Variants in STK10 observed in about 807,000 individuals in gnomAD.
STK10 encodes the protein serine/threonine kinase 10, also known as serine/threonine-protein kinase 10.
A neutral mutation model predicts 113.8 loss-of-function variants in STK10; 78 were observed. The ratio of observed to expected loss-of-function variants is 0.69; its 90% CI spans 0.57 to 0.83. STK10 has a LOEUF of 0.83. STK10 is among the 40% of genes least tolerant of loss of function. The pLI, the probability that STK10 is intolerant of heterozygous loss-of-function variation, is 0.00. For missense variants in STK10, 1,109 were observed against 1,280.1 expected, an observed-to-expected ratio of 0.87 and a Z score of 2.04; for synonymous variants, 465 against 494.7, an observed-to-expected ratio of 0.94 and a Z score of 0.80.
intron 16 of STK10, among the ~76,000 whole-genome samples, chr5:172,055,086 C>G (rs558449389): frequency 6.6e-6 from 1 of 152,238 alleles, no homozygotes; most frequent in African/African-American, 2.4e-5. Context: ...CAAGCTCTAC[C>G]TCTGTCCACA....
At chr5:172,078,640 A>T (rs1287535099) in intron 12 of STK10, among the ~76,000 whole-genome samples, 2 of 137,122 alleles carry the variant, frequency 1.5e-5, no homozygotes, top group Non-Finnish European at 3.2e-5. Context: ...AAAAAAAAAA[A>T]AAAAAAAAAG....
In STK10 at chr5:172,051,101, C is replaced by T. The variant is rs898589801; in HGVS notation, c.2766+1828G>A. Among the ~76,000 whole-genome samples the T allele has an allele frequency of 5.3e-4, 81 of 151,732 alleles. 1 individual carries two copies. The highest frequency in any genetic ancestry group is 1.2e-4 in the Non-Finnish European group (8 of 67,948). On this transcript the variant is annotated intron_variant, in intron 18 of 18. Transcript: ENST00000176763. ...CCGTCTCAGGAAAAAAAAAAAAATCCGCTGGTCTTTCTCGCACTTGGATGT... is the reference window on the plus strand; with the variant it reads ...CCGTCTCAGGAAAAAAAAAAAAATCTGCTGGTCTTTCTCGCACTTGGATGT...
chr5:172,053,576 T>C (rs1302565632), intron 17 of STK10, among the ~76,000 whole-genome samples: 4 of 152,240 alleles, frequency 2.6e-5, no homozygotes, highest in African/African-American at 9.6e-5. Flanking sequence ...AGGTAAGTTA[T>C]CTGCTTTACA....
intron 14 of STK10, 23 bp downstream of exon 14, chr5:172,061,116 C>T (rs778378860): frequency 9.4e-6 from 15 of 1,593,712 alleles, no homozygotes; most frequent in African/African-American, 1.4e-5. Flanking sequence ...GCCAAGACAG[C>T]GCTGCCACTT....
rs148455575 is a variant in STK10, at chr5:172,124,884, ATT to A, written c.370+2487_370+2488del. On this transcript the variant is annotated intron_variant, in intron 3 of 18. Transcript: ENST00000176763. ...ACTAAATGGTCTTTAGTATATATAT[ATT>A]TTTTTCCCCCACTATTTTAAATAGC... Among the ~76,000 whole-genome samples, 16 of 150,516 alleles carry A rather than the reference ATT, an allele frequency of 1.1e-4. No homozygotes were observed. The South Asian group carries it at 2.3e-3, about 22-fold the overall frequency.
At chr5:172,068,068 C>A (rs932186758) in intron 12 of STK10, among the ~76,000 whole-genome samples, 1 of 152,182 alleles carries the variant, frequency 6.6e-6, no homozygotes, top group African/African-American at 2.4e-5. Flanking sequence ...GGGCCGGGCG[C>A]GGTGGCTCAC....
At position 172,083,018 on chromosome 5, in the gene STK10, A is replaced by C; in HGVS notation, c.1752T>G (p.Ser584Arg). ...KEEHRNQTQL[S>R]NKHELQLEQM... is the part of the protein sequence containing the mutation. ...GCTCCAGCTGCAGCTCATGCTTGTT[A>C]CTCAGCTGGGTCTGGTTCCGATGCT... Residue 584 changes from serine (S) to arginine (R), a missense_variant, in exon 11 of 19, where the codon AGT (serine) becomes AGG (arginine). This residue lies in a region of STK10 where 885 missense variants were observed against 991.1 expected (regional missense o/e 0.89). Coordinates refer to ENST00000176763, the MANE Select transcript of STK10 (RefSeq NM_005990.4). The C allele has an allele frequency of 6.2e-7, 1 of 1,613,846 alleles. No homozygotes were observed. Among genetic ancestry groups the C allele is most frequent in the Non-Finnish European group, 8.5e-7 (1 of 1,179,966 alleles).
At chr5:172,138,853 AAG>A (rs376701388) in intron 2 of STK10, among the ~76,000 whole-genome samples, 3 of 152,024 alleles carry the variant, frequency 2.0e-5, no homozygotes, top group African/African-American at 4.8e-5. Flanking sequence ...TCTACTAAAA[AAG>A]TACAAAAAAT....
chr5:172,090,208 A>G (rs1462902191), intron 10 of STK10, 24 bp downstream of exon 10: 2 of 1,613,062 alleles, frequency 1.2e-6, no homozygotes, highest in African/African-American at 2.7e-5. Context: ...TGTTACCACC[A>G]TTGGTGGCCC....
chr5:172,042,242 G>A lies in STK10; in HGVS notation c.*2640C>T, dbSNP rs899291858. ...GTTACATTTACTCTAAAACCAGACA[G>A]AGGAAAAAAACCCAGTTCTGTCTGT... On this transcript the variant is annotated 3_prime_UTR_variant, in exon 19 of 19. Transcript: ENST00000176763. 1 of 152,594 alleles carries A rather than the reference G, an allele frequency of 6.6e-6. No homozygotes were observed. Among genetic ancestry groups the A allele is most frequent in the African/African-American group, 2.4e-5 (1 of 41,458 alleles). 9.5% of individuals were successfully genotyped at this position (152,594 alleles called of 1,614,324 possible).
intron 9 of STK10, among the ~76,000 whole-genome samples, chr5:172,091,837 A>G (rs1768717228): frequency 6.6e-6 from 1 of 151,340 alleles, no homozygotes; most frequent in Non-Finnish European, 1.5e-5. Context: ...CGGCCCAAAG[A>G]CTCTTTTTGG....
intron 3 of STK10, among the ~76,000 whole-genome samples, chr5:172,118,937 C>T (rs910813336): frequency 6.8e-6 from 1 of 147,992 alleles, no homozygotes; most frequent in African/African-American, 2.5e-5. Context: ...GACCCATTTT[C>T]TCAGCATGAG....
intron 1 of STK10, among the ~76,000 whole-genome samples, chr5:172,182,413 T>C (rs922907368): frequency 2.6e-5 from 4 of 152,036 alleles, no homozygotes; most frequent in Middle Eastern, 3.4e-3. Flanking sequence ...CAGGGTCTCA[T>C]TCTGTTGCCC....
chr5:172,160,445 A>C (rs2113822129), intron 1 of STK10, among the ~76,000 whole-genome samples: 1 of 152,114 alleles, frequency 6.6e-6, no homozygotes, highest in South Asian at 2.1e-4. Flanking sequence ...ACTGCACTCC[A>C]GCCTGGGTGA....
chr5:172,093,445 C>T lies in STK10; in HGVS notation c.1521G>A (p.Ser507=), dbSNP rs201939003. ...ACAGAGAGCCCATCTCTTTGTTCAG[C>T]GACAGGTCAGTGGAGAGATTGGTAC... ...DYGTNLSTDL[S]LNKEMGSLSI... The change falls in exon 9 of 19, where the codon TCG becomes TCA. Residue 507 remains serine (S), a synonymous_variant. Coordinates refer to ENST00000176763, the MANE Select transcript of STK10 (RefSeq NM_005990.4). The surrounding 1 kb of genome is among the most constrained non-coding windows in gnomAD (Gnocchi z 4.1). 1.3e-4 allele frequency: 208 copies of T among 1,608,862 alleles called. No homozygotes were observed. Among genetic ancestry groups the T allele is most frequent in the Non-Finnish European group, 1.7e-4 (195 of 1,176,120 alleles).
chr5:172,062,773 C>A (rs574636810), intron 13 of STK10, among the ~76,000 whole-genome samples: 1 of 152,302 alleles, frequency 6.6e-6, no homozygotes, highest in East Asian at 1.9e-4. Context: ...TTGATGGGTG[C>A]AGAGTTTCAG....
At chr5:172,104,894 C>T (rs987606759) in intron 7 of STK10, among the ~76,000 whole-genome samples, 16 of 152,162 alleles carry the variant, frequency 1.1e-4, no homozygotes, top group East Asian at 7.7e-4. Flanking sequence ...AAGGGGCTTC[C>T]GTGGTGGACA....
chr5:172,113,964 T>C (rs1769306619), intron 4 of STK10, among the ~76,000 whole-genome samples: 1 of 151,910 alleles, frequency 6.6e-6, no homozygotes, highest in Non-Finnish European at 1.5e-5. Context: ...ACCATATGCA[T>C]AGCACTGTGC....
intron 1 of STK10, among the ~76,000 whole-genome samples, chr5:172,170,387 A>G (rs1035847379): frequency 6.6e-6 from 1 of 152,184 alleles, no homozygotes; most frequent in Non-Finnish European, 1.5e-5. Flanking sequence ...GAGTCCTGCC[A>G]AGCAGAGAGA....
Sources: allele counts gnomAD v4.1 joint callset (sites outside exome capture counted in the v4.1 genomes callset), GRCh38; gene constraint gnomAD v4.1.1; regional missense constraint gnomAD v4.1.1; non-coding constraint Gnocchi (gnomAD v3.1); transcripts MANE v1.5; gene names NCBI Gene and HGNC (gene_info 2026-07-23, HGNC 2026-07-21).